KIAA0319L: variants seen among roughly 807,000 people sequenced by gnomAD.
KIAA0319L encodes the protein dyslexia-associated protein KIAA0319-like protein.
A neutral mutation model predicts 120.1 loss-of-function variants in KIAA0319L; 55 were observed. The ratio of observed to expected loss-of-function variants is 0.46; its 90% CI spans 0.37 to 0.57. The LOEUF (loss-of-function observed/expected upper bound fraction) is 0.57, where lower values mean the gene tolerates loss of function less well. Among genes scored for constraint, KIAA0319L ranks in the 20% least tolerant of loss-of-function variants. The pLI is 0.00. For missense variants in KIAA0319L, 1,049 were observed against 1,255.3 expected, an observed-to-expected ratio of 0.84 and a Z score of 2.48; for synonymous variants, 398 against 471.9, an observed-to-expected ratio of 0.84 and a Z score of 2.03.
intron 2 of KIAA0319L, among the ~76,000 whole-genome samples, chr1:35,534,880 A>G (rs112586114): frequency 0.067 from 9,127 of 135,392 alleles, 822 homozygotes; most frequent in East Asian, 0.32. Context: ...AAAAAAAAAA[A>G]AAAGAAAGAA....
chr1:35,434,904 T>G lies in KIAA0319L; in HGVS notation c.3140A>C (p.Glu1047Ala), dbSNP rs759424858. ...TPLKARSPRE[E>A]IL ...AGACAGACCAGGTGGCTACAGGATC[T>G]CCTCCCGCGGGCTCCTGGCCTTCAG... is the stretch of plus-strand genomic sequence containing the variant. The change falls in exon 21 of 21, where the codon GAG (glutamate) becomes GCG (alanine). Residue 1047 changes from glutamate to alanine, a missense_variant. Coordinates refer to ENST00000325722, the MANE Select transcript of KIAA0319L (RefSeq NM_024874.5). 1.2e-6 allele frequency: 2 copies of G among 1,612,332 alleles called. No individual in the cohort carries two copies. Among genetic ancestry groups the G allele is most frequent in the Non-Finnish European group, 1.7e-6 (2 of 1,179,864 alleles).
In KIAA0319L at chr1:35,435,001, T is replaced by C. The variant is rs760453527; in HGVS notation, c.3043A>G (p.Thr1015Ala). Residue 1015 changes from threonine (T) to alanine (A), a missense_variant, in exon 21 of 21, where the codon ACA (threonine) becomes GCA (alanine). Physicochemically the swap from Thr to Ala is moderately conservative, Grantham distance 58. Coordinates refer to ENST00000325722, the MANE Select transcript of KIAA0319L (RefSeq NM_024874.5). Reference sequence around the variant, plus strand: ...TTGCCCTTCTCTCGGTCTGGCCATGTAAAGATGGCATCATCGCTGTCCAGC... The same window carrying C: ...TTGCCCTTCTCTCGGTCTGGCCATGCAAAGATGGCATCATCGCTGTCCAGC... ...SELDSDDAIF[T>A]WPDREKGKLL... is the part of the protein sequence containing the mutation. 1.1e-5 allele frequency: 18 copies of C among 1,614,070 alleles called. No individual in the cohort carries two copies. Among genetic ancestry groups the C allele is most frequent in the Admixed American group, 8.3e-5 (5 of 60,000 alleles).
chr1:35,532,871 CCT>C (rs2148472514), intron 2 of KIAA0319L, among the ~76,000 whole-genome samples: 1 of 152,284 alleles, frequency 6.6e-6, no homozygotes, highest in South Asian at 2.1e-4. Flanking sequence ...AGCCAATTCC[CCT>C]CTTTCTAAAA....
chr1:35,551,101 CAAG>C (rs1647182313), intron 2 of KIAA0319L, among the ~76,000 whole-genome samples: 3 of 152,072 alleles, frequency 2.0e-5, no homozygotes, highest in Admixed American at 1.3e-4. Flanking sequence ...ATATTTATGC[CAAG>C]AAGTTCTCTT....
At chr1:35,507,984 C>T (rs979932340) in intron 2 of KIAA0319L, among the ~76,000 whole-genome samples, 1 of 152,152 alleles carries the variant, frequency 6.6e-6, no homozygotes, top group African/African-American at 2.4e-5. Context: ...AGTATCTCAC[C>T]TCTGTTTTCT....
At chr1:35,435,250 C>T (rs1228486416) in intron 20 of KIAA0319L, 169 bp from the exon 21 acceptor site, 4 of 634,242 alleles carry the variant, frequency 6.3e-6, no homozygotes, top group East Asian at 2.7e-5. Context: ...CTCCCGGGCC[C>T]AACTGGTTGG....
intron 14 of KIAA0319L, 70 bp downstream of exon 14, chr1:35,450,288 C>T: frequency 6.8e-7 from 1 of 1,475,520 alleles, no homozygotes; most frequent in Non-Finnish European, 9.3e-7. Context: ...TTGATTAAAG[C>T]ATATACTGGA....
At chr1:35,444,424 T>C in intron 16 of KIAA0319L, 121 bp from the exon 17 acceptor site, 3 of 922,120 alleles carry the variant, frequency 3.3e-6, no homozygotes, top group Non-Finnish European at 4.6e-6. Context: ...ATGCATTCTG[T>C]TACTACAAGC....
rs183878033 is a variant in KIAA0319L at position 35,486,156 on chromosome 1, G to A, written c.667-6944C>T. Among the ~76,000 whole-genome samples, 26 of 152,220 alleles carry A rather than the reference G, an allele frequency of 1.7e-4. No individual in the cohort carries two copies. The East Asian group carries it at 5.0e-3, about 29-fold the overall frequency. On this transcript the variant is annotated intron_variant, in intron 3 of 20. Coordinates refer to ENST00000325722, the MANE Select transcript of KIAA0319L (RefSeq NM_024874.5). ...CCAGCGCTTTGAGATGCCGAGGCAGGAGGATCACCTGAGCCCACGAGTTTT... is the reference window on the plus strand; with the variant it reads ...CCAGCGCTTTGAGATGCCGAGGCAGAAGGATCACCTGAGCCCACGAGTTTT...
intron 15 of KIAA0319L, among the ~76,000 whole-genome samples, chr1:35,448,601 G>A (rs892718640): frequency 3.9e-5 from 6 of 152,186 alleles, no homozygotes; most frequent in African/African-American, 1.4e-4. Flanking sequence ...GGGGTGGGGA[G>A]TAATGACGGG....
At chr1:35,504,234 T>C (rs1342421324) in intron 3 of KIAA0319L, among the ~76,000 whole-genome samples, 2 of 151,632 alleles carry the variant, frequency 1.3e-5, no homozygotes. Context: ...TCTTACTCTG[T>C]TGCCCAGGCT....
At chr1:35,555,353 A>G (rs1440625149) in intron 1 of KIAA0319L, among the ~76,000 whole-genome samples, 1 of 152,122 alleles carries the variant, frequency 6.6e-6, no homozygotes, top group Non-Finnish European at 1.5e-5. Context: ...CAGGCTGCCA[A>G]CCCCTAACTC....
chr1:35,515,100 G>A (rs992060176), intron 2 of KIAA0319L, among the ~76,000 whole-genome samples: 7 of 152,058 alleles, frequency 4.6e-5, no homozygotes, highest in Non-Finnish European at 1.0e-4. Flanking sequence ...ATCACTTGAG[G>A]TCAGGAGTTT....
At chr1:35,518,671 A>G (rs955517327) in intron 2 of KIAA0319L, among the ~76,000 whole-genome samples, 3 of 152,138 alleles carry the variant, frequency 2.0e-5, no homozygotes, top group Non-Finnish European at 2.9e-5. Flanking sequence ...GTTTACTTAT[A>G]TAACAAACCT....
chr1:35,540,282 G>A (rs1049198086), intron 2 of KIAA0319L, among the ~76,000 whole-genome samples: 1 of 152,152 alleles, frequency 6.6e-6, no homozygotes, highest in Non-Finnish European at 1.5e-5. Flanking sequence ...TCTTCTTAGG[G>A]CATTTTATAG....
At chr1:35,477,666 CAAA>C (rs34588440) in intron 4 of KIAA0319L, among the ~76,000 whole-genome samples, 43 of 55,678 alleles carry the variant, frequency 7.7e-4, no homozygotes, top group South Asian at 2.9e-3. Flanking sequence ...GACTCTGTCT[CAAA>C]AAAAAAAAAA....
intron 7 of KIAA0319L, 112 bp downstream of exon 7, chr1:35,466,496 G>T: frequency 1.4e-6 from 1 of 703,616 alleles, no homozygotes; most frequent in South Asian, 1.8e-5. Context: ...AGGAATTGCT[G>T]AATAAATACA....
chr1:35,496,539 G>A (rs558716553), intron 3 of KIAA0319L, among the ~76,000 whole-genome samples: 25 of 152,306 alleles, frequency 1.6e-4, no homozygotes, highest in Admixed American at 1.1e-3. Flanking sequence ...TGTTCCTAGC[G>A]TCTTAATCTG....
At chr1:35,513,288 A>ATATATATT (rs1414704674) in intron 2 of KIAA0319L, among the ~76,000 whole-genome samples, 14 of 85,302 alleles carry the variant, frequency 1.6e-4, no homozygotes, top group South Asian at 8.7e-4. Context: ...ATATATATAT[A>ATATATATT]TTTTTTTTTT....
Sources: gnomAD v4.1 joint callset for allele counts (sites outside exome capture counted in the v4.1 genomes callset) on GRCh38, gnomAD v4.1.1 for gene constraint, MANE v1.5 for transcripts, NCBI Gene and HGNC (gene_info 2026-07-23, HGNC 2026-07-21) for gene names.